LRRIQ1: variants seen among roughly 807,000 people sequenced by gnomAD.
LRRIQ1 encodes the protein leucine rich repeats and IQ motif containing 1, also known as leucine-rich repeat- and IQ domain-containing protein 1.
A neutral mutation model predicts 211.9 loss-of-function variants in LRRIQ1; 210 were observed. That is an observed-to-expected ratio of 0.99 (90% confidence interval 0.89 to 1.11). The LOEUF is 1.11. Ranked by LOEUF, LRRIQ1 falls within the 50% of genes most tolerant of loss-of-function variation. LRRIQ1 has a pLI of 0.00. For synonymous variants in LRRIQ1, 699 were observed against 650.1 expected (o/e 1.08, Z -1.14); for missense variants, 2,136 against 1,939.5 (o/e 1.10, Z -1.90).
Position 85,044,766 on chromosome 12 carries a change from G to A in LRRIQ1, c.293G>A (p.Gly98Glu). The A allele has an allele frequency of 6.4e-7, 1 of 1,564,700 alleles. No individual in the cohort carries two copies. Reference sequence around the variant, plus strand: ...AATAATCATATGCATTTAAGAACAGGACTATCAACTGAATATGAAGAAAGT... The same window carrying A: ...AATAATCATATGCATTTAAGAACAGAACTATCAACTGAATATGAAGAAAGT... ...VSNNHMHLRT[G>E]LSTEYEESSE... The change falls in exon 4 of 27, where the codon GGA becomes GAA. Residue 98 changes from glycine to glutamate, a missense_variant. Gly to Glu is a moderately conservative substitution (Grantham distance 98). Coordinates refer to ENST00000393217, the MANE Select transcript of LRRIQ1 (RefSeq NM_001079910.2).
At chr12:85,222,927 G>A (rs995199772) in intron 24 of LRRIQ1, among the ~76,000 whole-genome samples, 3 of 152,088 alleles carry the variant, frequency 2.0e-5, no homozygotes, top group East Asian at 1.9e-4. Context: ...TTGCAATGGC[G>A]AAAGAAAGAA....
rs2136446053 is a variant in LRRIQ1, at chr12:85,124,375, G to A, written c.3863G>A (p.Gly1288Glu). Reference protein sequence around the residue: ...SKSATCENMEGRHQEILVCQK... With the variant: ...SKSATCENMEERHQEILVCQK... ...TCCGCCACATGTGAAAATATGGAAG[G>A]AAGACATCAGGAAATATTAGTATGT... The change falls in exon 17 of 27, where the codon GGA (glycine) becomes GAA (glutamate). Residue 1288 changes from glycine (G) to glutamate (E), a missense_variant. By Grantham distance (98) the Gly-to-Glu change is moderately conservative. Coordinates refer to ENST00000393217, the MANE Select transcript of LRRIQ1 (RefSeq NM_001079910.2). 3 of 1,614,084 alleles carry A rather than the reference G, an allele frequency of 1.9e-6. No homozygotes were observed. Among genetic ancestry groups the A allele is most frequent in the Admixed American group, 1.7e-5 (1 of 60,012 alleles).
chr12:85,257,864 C>G (rs1472189321), intron 1 of LRRIQ1, among the ~76,000 whole-genome samples: 1 of 151,684 alleles, frequency 6.6e-6, no homozygotes, highest in Non-Finnish European at 1.5e-5. Flanking sequence ...ATTTGTAGCG[C>G]CACATTCCAG....
At position 85,219,182 on chromosome 12, in the gene LRRIQ1, C is replaced by A. The variant is rs1202280724; in HGVS notation, c.4823-10335C>A. 2.0e-5 allele frequency among the ~76,000 whole-genome samples: 3 copies of A among 152,086 alleles called. No homozygotes were observed. The East Asian group carries it at 5.8e-4, about 29-fold the overall frequency. On this transcript the variant is annotated intron_variant, in intron 24 of 26. Transcript: ENST00000393217. The stretch of plus-strand genomic sequence containing the variant: ...TCTCTGGAAAGAAACCAAAGAATCA[C>A]CCTTTATATAGTATTTGGTACTGCA...
chr12:85,045,814 A>T (rs925744176), intron 4 of LRRIQ1, among the ~76,000 whole-genome samples: 5 of 152,060 alleles, frequency 3.3e-5, no homozygotes, highest in Admixed American at 2.6e-4. Flanking sequence ...AAACATAAGG[A>T]GGGTTACTAA....
At chr12:85,095,833 C>T (rs998380465) in intron 11 of LRRIQ1, among the ~76,000 whole-genome samples, 3 of 151,920 alleles carry the variant, frequency 2.0e-5, no homozygotes, top group African/African-American at 7.3e-5. Context: ...TTCAGAACTC[C>T]ATATTGGTCT....
chr12:85,122,126 G>A (rs535113339), intron 16 of LRRIQ1, among the ~76,000 whole-genome samples: 3 of 152,162 alleles, frequency 2.0e-5, no homozygotes, highest in East Asian at 3.9e-4. Context: ...CATGTGGATA[G>A]CATCAAGACA....
At chr12:85,079,031 C>T (rs1883981376) in intron 11 of LRRIQ1, among the ~76,000 whole-genome samples, 1 of 152,070 alleles carries the variant, frequency 6.6e-6, no homozygotes, top group Non-Finnish European at 1.5e-5. Flanking sequence ...ATATTTGCCT[C>T]TGCAGTCAAT....
At chr12:85,042,335 G>T (rs10450770) in intron 3 of LRRIQ1, among the ~76,000 whole-genome samples, 35,591 of 149,482 alleles carry the variant, frequency 0.24, 4,839 homozygotes, top group African/African-American at 0.34. Context: ...AATTTTCCCA[G>T]AAAATTTAAA....
intron 15 of LRRIQ1, 39 bp downstream of exon 15, chr12:85,106,654 T>C: frequency 7.5e-7 from 1 of 1,337,420 alleles, no homozygotes; most frequent in Non-Finnish European, 1.1e-6. Flanking sequence ...TATCCATTAT[T>C]ATAGTTGCAG....
chr12:85,087,174 T>C (rs1245381834), intron 11 of LRRIQ1, among the ~76,000 whole-genome samples: 2 of 151,998 alleles, frequency 1.3e-5, no homozygotes, highest in African/African-American at 4.8e-5. Flanking sequence ...TTCCCACCTA[T>C]GAGTGAGAAC....
chr12:85,096,774 A>G (rs1376846268), intron 11 of LRRIQ1, among the ~76,000 whole-genome samples: 1 of 152,194 alleles, frequency 6.6e-6, no homozygotes, highest in Non-Finnish European at 1.5e-5. Flanking sequence ...GAAGTCCTCC[A>G]TGATTACTGT....
chr12:85,151,584 A>G (rs1309914678), intron 19 of LRRIQ1, among the ~76,000 whole-genome samples: 1 of 151,694 alleles, frequency 6.6e-6, no homozygotes, highest in Non-Finnish European at 1.5e-5. Flanking sequence ...TACATCCTAA[A>G]TTATACAACA....
intron 18 of LRRIQ1, among the ~76,000 whole-genome samples, chr12:85,131,544 G>GT (rs1160147107): frequency 1.3e-5 from 2 of 152,090 alleles, no homozygotes; most frequent in African/African-American, 4.8e-5. Flanking sequence ...GGAATTCCAG[G>GT]TATAAAGGAC....
rs571679906 is a variant in LRRIQ1 at position 85,098,929 on chromosome 12, A to T, written c.3144A>T (p.Ser1048=). 10 of 1,575,300 alleles carry T rather than the reference A, an allele frequency of 6.3e-6. No individual in the cohort carries two copies. The African/African-American group carries it at 9.5e-5, about 15-fold the overall frequency. ...TGCACTTGGATGATAACAGCATTTC[A>T]ACTGTGGAAGCATTTTCTTCATACT... The part of the protein sequence containing the change: ...RELHLDDNSI[S]TVEAFSSYWL... The change falls in exon 13 of 27, where the codon TCA becomes TCT. Residue 1048 remains serine, a synonymous_variant. Transcript: ENST00000393217.
intron 24 of LRRIQ1, among the ~76,000 whole-genome samples, chr12:85,160,946 AT>A (rs770892260): frequency 2.6e-5 from 4 of 151,938 alleles, no homozygotes; most frequent in Non-Finnish European, 5.9e-5. Context: ...ATAAATTTTA[AT>A]TTTTTTATTT....
intron 15 of LRRIQ1, among the ~76,000 whole-genome samples, chr12:85,115,679 C>A (rs905097933): frequency 6.6e-6 from 1 of 152,064 alleles, no homozygotes; most frequent in Non-Finnish European, 1.5e-5. Context: ...ATGATAAAAT[C>A]ATTACTTTGT....
intron 1 of LRRIQ1, among the ~76,000 whole-genome samples, chr12:85,258,694 G>T (rs1224982458): frequency 2.0e-5 from 3 of 151,812 alleles, no homozygotes. Flanking sequence ...CTAAAAATTG[G>T]TTCTGGTCAC....
intron 1 of LRRIQ1, among the ~76,000 whole-genome samples, chr12:85,262,309 A>C (rs1593037092): frequency 6.6e-6 from 1 of 152,080 alleles, no homozygotes; most frequent in Non-Finnish European, 1.5e-5. Context: ...AGTCTTCACA[A>C]TAATCCTGAT....
Sources: allele counts gnomAD v4.1 joint callset (sites outside exome capture counted in the v4.1 genomes callset), GRCh38; gene constraint gnomAD v4.1.1; transcripts MANE v1.5; gene names NCBI Gene and HGNC (gene_info 2026-07-23, HGNC 2026-07-21).